The following GRAMD1B variants were observed in gnomAD, a reference collection of about 807,000 sequenced individuals.
GRAMD1B encodes the protein protein Aster-B.
Under a neutral mutation model 99.7 loss-of-function variants are expected in GRAMD1B, and 37 were observed. The ratio of observed to expected loss-of-function variants is 0.37; its 90% CI spans 0.29 to 0.49. The LOEUF is 0.49. Ranked by LOEUF, GRAMD1B falls within the 20% of genes least tolerant of loss-of-function variation. The pLI is 0.98. For synonymous variants in GRAMD1B, 427 were observed against 387.6 expected, an observed-to-expected ratio of 1.10 and a Z score of -1.19; for missense variants, 888 against 1,009.2, an observed-to-expected ratio of 0.88 and a Z score of 1.63.
At chr11:123,548,110 G>A (rs1945192127) in intron 2 of GRAMD1B, among the ~76,000 whole-genome samples, 1 of 151,630 alleles carries the variant, frequency 6.6e-6, no homozygotes, top group South Asian at 2.1e-4. Flanking sequence ...TGTTATCAAT[G>A]ACGTGAGAAG....
At position 123,608,788 on chromosome 11, in the gene GRAMD1B, A is replaced by G; in HGVS notation, c.1643A>G (p.Gln548Arg). The G allele has an allele frequency of 6.5e-7, 1 of 1,549,608 alleles. No homozygotes were observed. The highest frequency in any genetic ancestry group is 8.7e-7 in the Non-Finnish European group (1 of 1,145,880). Residue 548 changes from glutamine (Q) to arginine (R), a missense_variant, in exon 12 of 20, where the codon CAG becomes CGG. By Grantham distance (43) the Gln-to-Arg change is conservative. Around this residue, in one of 5 missense-constraint regions of GRAMD1B, gnomAD observed 269 missense variants for 296.6 expected, o/e 0.91. Transcript: ENST00000635736. ...CCCTTCCAGCGGGATTTCATGGAGC[A>G]GCGGCGCTTCTCTGGTCCGTTCTGC... The part of the protein sequence containing the change: ...NSPFQRDFME[Q>R]RRFSDIIFHP...
rs1862301666 is a variant in GRAMD1B at position 123,610,127 on chromosome 11, T to C, written c.1777-69T>C. ...TGGGGTGGGGTGGGCTTGGGGAGGC[T>C]GGAGAAGGTGCTTTTCCAAGCTTCT... On this transcript the variant is annotated intron_variant, in intron 13 of 19. Coordinates refer to ENST00000635736, the MANE Select transcript of GRAMD1B (RefSeq NM_001387025.1). This position sits in a 1 kb window ranked among gnomAD's most constrained non-coding sequence, Gnocchi z 4.1. 2.0e-6 allele frequency: 3 copies of C among 1,498,776 alleles called. No homozygotes were observed. The highest frequency in any genetic ancestry group is 2.8e-6 in the Non-Finnish European group (3 of 1,084,876). 92.8% of individuals were successfully genotyped at this position (1,498,776 alleles called of 1,614,324 possible).
intron 2 of GRAMD1B, among the ~76,000 whole-genome samples, chr11:123,537,995 A>G (rs1944135430): frequency 6.6e-6 from 1 of 152,198 alleles, no homozygotes; most frequent in Non-Finnish European, 1.5e-5. Flanking sequence ...GTGCTATAAT[A>G]TAATTCATAG....
intron 1 of GRAMD1B, among the ~76,000 whole-genome samples, chr11:123,461,392 T>A (rs566559707): frequency 6.6e-6 from 1 of 152,300 alleles, no homozygotes; most frequent in South Asian, 2.1e-4. Context: ...TTCCTGTCCT[T>A]GTGGCTAAAT....
At chr11:123,383,570 C>T (rs1308916741) in intron 1 of GRAMD1B, among the ~76,000 whole-genome samples, 1 of 152,100 alleles carries the variant, frequency 6.6e-6, no homozygotes, top group Non-Finnish European at 1.5e-5. Context: ...CTATTTTTCT[C>T]ATATCCACCA....
intron 1 of GRAMD1B, among the ~76,000 whole-genome samples, chr11:123,462,523 A>C (rs1221345935): frequency 6.6e-6 from 1 of 152,236 alleles, no homozygotes; most frequent in African/African-American, 2.4e-5. Flanking sequence ...CCAAGCTCAG[A>C]GTCCCTTCAG....
chr11:123,371,734 G>A (rs1018212858), intron 1 of GRAMD1B, among the ~76,000 whole-genome samples: 2 of 152,190 alleles, frequency 1.3e-5, no homozygotes, highest in African/African-American at 4.8e-5. Context: ...TGTCATGCAG[G>A]GAAGAGCACC....
At chr11:123,620,984 C>T (rs1955060494) in intron 19 of GRAMD1B, among the ~76,000 whole-genome samples, 1 of 152,148 alleles carries the variant, frequency 6.6e-6, no homozygotes, top group Non-Finnish European at 1.5e-5. Flanking sequence ...TCCAACTCTA[C>T]AATTCTATTT....
At chr11:123,622,313 G>A (rs1349650403) in intron 19 of GRAMD1B, among the ~76,000 whole-genome samples, 193 bp from the exon 20 acceptor site, 1 of 152,148 alleles carries the variant, frequency 6.6e-6, no homozygotes, top group Non-Finnish European at 1.5e-5. Flanking sequence ...GTGCGTCACT[G>A]CACCCAGCCT....
chr11:123,374,921 TTGATCCAGGTC>T (rs1156902825), intron 1 of GRAMD1B, among the ~76,000 whole-genome samples: 2 of 152,368 alleles, frequency 1.3e-5, no homozygotes, highest in East Asian at 3.9e-4. Context: ...GACCTTGGCA[TTGATCCAGGTC>T]TGATCTATTA....
At chr11:123,485,506 A>G (rs1937632690) in intron 2 of GRAMD1B, among the ~76,000 whole-genome samples, 1 of 152,212 alleles carries the variant, frequency 6.6e-6, no homozygotes, top group African/African-American at 2.4e-5. Flanking sequence ...GAACCTTGAC[A>G]GGAGTAGAGC....
At chr11:123,409,103 T>C (rs1469650510) in intron 1 of GRAMD1B, among the ~76,000 whole-genome samples, 1 of 152,218 alleles carries the variant, frequency 6.6e-6, no homozygotes, top group Non-Finnish European at 1.5e-5. Flanking sequence ...GTAAAAAGAC[T>C]TTGACCTGGA....
intron 2 of GRAMD1B, among the ~76,000 whole-genome samples, chr11:123,487,905 CTGCCACTGAGT>C (rs1252663909): frequency 2.0e-5 from 3 of 152,254 alleles, no homozygotes; most frequent in Non-Finnish European, 4.4e-5. Flanking sequence ...CGGCACCCAG[CTGCCACTGAGT>C]TATGTTGAGA....
At chr11:123,608,509 C>T (rs530825137) in intron 11 of GRAMD1B, 150 bp from the exon 12 acceptor site, 88 of 1,538,094 alleles carry the variant, frequency 5.7e-5, no homozygotes, top group South Asian at 3.7e-4. Flanking sequence ...ACCATGCCCA[C>T]GAGCTCAGCT....
chr11:123,574,630 T>G (rs1948518383), intron 2 of GRAMD1B, among the ~76,000 whole-genome samples: 1 of 152,178 alleles, frequency 6.6e-6, no homozygotes, highest in South Asian at 2.1e-4. Flanking sequence ...GTAATGAAAC[T>G]GCCATTGAGA....
At chr11:123,550,067 C>T (rs114250232) in intron 2 of GRAMD1B, among the ~76,000 whole-genome samples, 1,686 of 152,286 alleles carry the variant, frequency 0.011, 20 homozygotes, top group Middle Eastern at 0.024. Flanking sequence ...TCCTGGAGTC[C>T]GTACCTCCGT....
chr11:123,387,839 G>A (rs1947123205), intron 1 of GRAMD1B, among the ~76,000 whole-genome samples: 1 of 151,910 alleles, frequency 6.6e-6, no homozygotes, highest in East Asian at 1.9e-4. Flanking sequence ...AATAGCTATG[G>A]TTGGCCGGGT....
upstream of GRAMD1B, among the ~76,000 whole-genome samples, chr11:123,428,043 A>G (rs963224575): frequency 6.6e-6 from 1 of 152,188 alleles, no homozygotes; most frequent in African/African-American, 2.4e-5. Flanking sequence ...AGCTGCCCAT[A>G]GAATCTTCTG....
chr11:123,556,440 TTA>T (rs1426366181), intron 2 of GRAMD1B, among the ~76,000 whole-genome samples: 1 of 152,184 alleles, frequency 6.6e-6, no homozygotes, highest in African/African-American at 2.4e-5. Context: ...CTGACCCTCT[TTA>T]TATAAAATGT....
Sources: gnomAD v4.1 joint callset for allele counts (sites outside exome capture counted in the v4.1 genomes callset) on GRCh38, gnomAD v4.1.1 for gene constraint, gnomAD v4.1.1 regional missense constraint, Gnocchi (gnomAD v3.1) non-coding constraint, MANE v1.5 for transcripts, NCBI Gene and HGNC (gene_info 2026-07-23, HGNC 2026-07-21) for gene names.